ZNF471: variants seen among roughly 807,000 people sequenced by gnomAD.
The protein encoded by ZNF471 is zinc finger protein 471.
In ZNF471, 7 loss-of-function variants were observed where a neutral mutation model predicts 13.7. The observed-to-expected ratio is 0.51, with a 90% CI of 0.29 to 0.96. The LOEUF (loss-of-function observed/expected upper bound fraction) is 0.96, where lower values mean the gene tolerates loss of function less well. Among genes scored for constraint, ZNF471 ranks in the 40% least tolerant of loss-of-function variants. The probability of loss-of-function intolerance (pLI) is 0.08; values close to 1 mark genes in which losing one functional copy is unlikely to be tolerated. For synonymous variants in ZNF471, 218 were observed against 235.6 expected (o/e 0.93, Z 0.68); for missense variants, 663 against 743.3 (o/e 0.89, Z 1.26).
Position 56,525,800 on chromosome 19 carries a change from A to G in ZNF471, c.1733A>G (p.Lys578Arg). Reference protein sequence around the residue: ...EKPYKCTECGKAFSDSSSCAQ... With the variant: ...EKPYKCTECGRAFSDSSSCAQ... ...CCCTATAAATGTACTGAATGTGGAA[A>G]GGCTTTTAGTGATAGCTCATCCTGT... is the stretch of plus-strand genomic sequence containing the variant. The change falls in exon 5 of 5, where the codon AAG (lysine) becomes AGG (arginine). Residue 578 changes from lysine to arginine, a missense_variant. Coordinates refer to ENST00000308031, the MANE Select transcript of ZNF471 (RefSeq NM_020813.4). 1.2e-6 allele frequency: 2 copies of G among 1,614,208 alleles called. No individual in the cohort carries two copies. Among genetic ancestry groups the G allele is most frequent in the East Asian group, 2.2e-5 (1 of 44,872 alleles).
At position 56,522,216 on chromosome 19, in the gene ZNF471, A is replaced by T. The variant is rs376141431; in HGVS notation, c.257-2108A>T. Among the ~76,000 whole-genome samples, 17 of 152,192 alleles carry T rather than the reference A, an allele frequency of 1.1e-4. No homozygotes were observed. The highest frequency in any genetic ancestry group is 3.6e-4 in the African/African-American group (15 of 41,452). On this transcript the variant is annotated intron_variant, in intron 4 of 4. Transcript: ENST00000308031. This position sits in a 1 kb window ranked among gnomAD's most constrained non-coding sequence, Gnocchi z 4.1. ...GCATTTCTCCATCATTAAGTGACAC[A>T]AGACTATTTTGTTATAGCAACCCAA...
rs756947354 is a variant in ZNF471 at position 56,518,532 on chromosome 19, G to T, written c.211G>T (p.Glu71Ter). ...GATCTCCTTATTGGAGCAAGGGAGAGAGCCTTGGGAGATGACGAGTGAGAT... is the reference window on the plus strand; with the variant it reads ...GATCTCCTTATTGGAGCAAGGGAGATAGCCTTGGGAGATGACGAGTGAGAT... ...YVISLLEQGR[E>*]PWEMTSEMTR... Residue 71 changes from glutamate (E) to a stop codon, truncating the protein, a stop_gained, in exon 4 of 5, where the codon GAG becomes TAG. Transcript: ENST00000308031. LOFTEE classifies it low-confidence loss of function (END_TRUNC). 1 of 1,613,838 alleles carries T rather than the reference G, an allele frequency of 6.2e-7. No individual in the cohort carries two copies. Among genetic ancestry groups the T allele is most frequent in the South Asian group, 1.1e-5 (1 of 91,014 alleles).
In ZNF471 at chr19:56,524,860, A is replaced by G. The variant is rs914307091; in HGVS notation, c.793A>G (p.Lys265Glu). 6.2e-7 allele frequency: 1 copy of G among 1,610,482 alleles called. No homozygotes were observed. The highest frequency in any genetic ancestry group is 8.5e-7 in the Non-Finnish European group (1 of 1,178,536). ...THTGEKLFEC[K>E]ECRKAFKQSE... ...TACTGGAGAGAAACTCTTTGAATGTAAAGAATGTAGGAAAGCCTTCAAACA... is the reference window on the plus strand; with the variant it reads ...TACTGGAGAGAAACTCTTTGAATGTGAAGAATGTAGGAAAGCCTTCAAACA... The change falls in exon 5 of 5, where the codon AAA (lysine) becomes GAA (glutamate). Residue 265 changes from lysine to glutamate, a missense_variant. By Grantham distance (56) the Lys-to-Glu change is moderately conservative. Coordinates refer to ENST00000308031, the MANE Select transcript of ZNF471 (RefSeq NM_020813.4). This position sits in a 1 kb window ranked among gnomAD's most constrained non-coding sequence, Gnocchi z 4.8.
At position 56,525,248 on chromosome 19, in the gene ZNF471, G is replaced by C. The variant is rs1320022861; in HGVS notation, c.1181G>C (p.Arg394Thr). The change falls in exon 5 of 5, where the codon AGG becomes ACG. Residue 394 changes from arginine to threonine, a missense_variant. Transcript: ENST00000308031. Reference sequence around the variant, plus strand: ...GTTCACATAGGACTTATTCTGCATAGGAGAATTCATACAGGAGAGAAACCT... The same window carrying C: ...GTTCACATAGGACTTATTCTGCATACGAGAATTCATACAGGAGAGAAACCT... ...FSVHIGLILH[R>T]RIHTGEKPYK... The C allele has an allele frequency of 6.2e-7, 1 of 1,613,928 alleles. No individual in the cohort carries two copies. Among genetic ancestry groups the C allele is most frequent in the Non-Finnish European group, 8.5e-7 (1 of 1,179,942 alleles).
chr19:56,510,081 A>G lies in ZNF471; in HGVS notation c.-55-1436A>G. The G allele has an allele frequency of 1.0e-6, 1 of 985,458 alleles. No individual in the cohort carries two copies. Among genetic ancestry groups the G allele is most frequent in the South Asian group, 4.7e-5 (1 of 21,276 alleles). The allele number at this position is 985,458 out of a possible 1,614,324, so 61.0% of individuals were successfully genotyped here. A position where few individuals can be genotyped will look rare whatever the true frequency, so the allele number is the denominator to read the frequency against. Reference sequence around the variant, plus strand: ...GAGACCAATGGGTATGTGAGAGACTAGAGTATGTCTCTGTCTGGACTGGTA... The same window carrying G: ...GAGACCAATGGGTATGTGAGAGACTGGAGTATGTCTCTGTCTGGACTGGTA... On this transcript the variant is annotated intron_variant, in intron 1 of 4. Transcript: ENST00000308031. The surrounding 1 kb of genome is among the most constrained non-coding windows in gnomAD (Gnocchi z 4.3).
chr19:56,525,090 T>G lies in ZNF471; in HGVS notation c.1023T>G (p.Thr341=). The change falls in exon 5 of 5, where the codon ACT becomes ACG. Residue 341 remains threonine (T), a synonymous_variant. Coordinates refer to ENST00000308031, the MANE Select transcript of ZNF471 (RefSeq NM_020813.4). ...SSFARHQRCH[T]GKRPYECIEC... ...TTGCTCGACATCAGAGATGTCACAC[T>G]GGCAAAAGACCCTATGAATGTATTG... is the stretch of plus-strand genomic sequence containing the variant. 6.2e-7 allele frequency: 1 copy of G among 1,614,004 alleles called. No individual in the cohort carries two copies. The highest frequency in any genetic ancestry group is 8.5e-7 in the Non-Finnish European group (1 of 1,179,982).
intron 1 of ZNF471, chr19:56,509,732 T>A (rs1281611850): frequency 1.6e-5 from 4 of 245,018 alleles, no homozygotes; most frequent in Non-Finnish European, 2.6e-5. Context: ...TGTGTGTGTG[T>A]GTGTGTGTGT....
At chr19:56,523,413 G>T (rs1259569148) in intron 4 of ZNF471, among the ~76,000 whole-genome samples, 1 of 151,010 alleles carries the variant, frequency 6.6e-6, no homozygotes, top group Non-Finnish European at 1.5e-5. Context: ...TTACCAGGCT[G>T]TTGAAAGTAA....
chr19:56,509,716 T>TGG (rs1195958448), intron 1 of ZNF471: 1 of 97,154 alleles, frequency 1.0e-5, no homozygotes, highest in Non-Finnish European at 2.1e-5. Context: ...GCTTGCCTGG[T>TGG]GTGTGTGTGT....
At chr19:56,518,883 T>C (rs1052688538) in intron 4 of ZNF471, among the ~76,000 whole-genome samples, 3 of 152,296 alleles carry the variant, frequency 2.0e-5, no homozygotes, top group Admixed American at 6.5e-5. Context: ...TACAGACTTA[T>C]ATAAACTTCT....
In ZNF471 at chr19:56,524,766, A is replaced by G. The variant is rs748002009; in HGVS notation, c.699A>G (p.Pro233=). The G allele has an allele frequency of 6.2e-7, 1 of 1,612,440 alleles. No homozygotes were observed. ...VHFRIHTGEK[P]YACEECGKAF... ...TTAGAATTCATACTGGTGAAAAACC[A>G]TATGCATGTGAGGAATGTGGAAAAG... is the stretch of plus-strand genomic sequence containing the variant. The change falls in exon 5 of 5, where the codon CCA becomes CCG. Residue 233 remains proline (P), a synonymous_variant. Transcript: ENST00000308031. This position sits in a 1 kb window ranked among gnomAD's most constrained non-coding sequence, Gnocchi z 4.8.
At chr19:56,511,351 G>GAA (rs796825149) in intron 1 of ZNF471, among the ~76,000 whole-genome samples, 166 bp from the exon 2 acceptor site, 2 of 146,014 alleles carry the variant, frequency 1.4e-5, no homozygotes, top group African/African-American at 5.0e-5. Flanking sequence ...CCTCAAGCAT[G>GAA]AAAAAAAAAA....
At chr19:56,520,341 T>G (rs1351386364) in intron 4 of ZNF471, among the ~76,000 whole-genome samples, 1 of 152,180 alleles carries the variant, frequency 6.6e-6, no homozygotes, top group African/African-American at 2.4e-5. Context: ...CAACCATGGC[T>G]CTCTGTAGGA....
Position 56,525,587 on chromosome 19 carries a change from G to T in ZNF471, c.1520G>T (p.Arg507Ile). 2.5e-6 allele frequency: 4 copies of T among 1,613,958 alleles called. No homozygotes were observed. The highest frequency in any genetic ancestry group is 1.1e-5 in the South Asian group (1 of 91,072). The change falls in exon 5 of 5, where the codon AGA (arginine) becomes ATA (isoleucine). Residue 507 changes from arginine (R) to isoleucine (I), a missense_variant. Arg to Ile is a moderately conservative substitution (Grantham distance 97). Transcript: ENST00000308031. ...AGTTCACAGCTGGCTACTCATCAGA[G>T]AATTCATACTGGAGAGAAGCCTTAT... ...RISSQLATHQ[R>I]IHTGEKPYEC... is the part of the protein sequence containing the mutation.
In ZNF471 at chr19:56,528,372, T is replaced by A. The variant is rs752827773; in HGVS notation, c.*2424T>A. 4 of 152,338 alleles carry A rather than the reference T, an allele frequency of 2.6e-5. No individual in the cohort carries two copies. The East Asian group carries it at 7.7e-4, about 29-fold the overall frequency. 9.4% of individuals were successfully genotyped at this position (152,338 alleles called of 1,614,324 possible). A position where few individuals can be genotyped will look rare whatever the true frequency, so the allele number is the denominator to read the frequency against. ...TTAAACAGTGCATTCTTGAAAGCAG[T>A]ATGGCAGTCATAAAAATTTTGGAAC... On this transcript the variant is annotated 3_prime_UTR_variant, in exon 5 of 5. Transcript: ENST00000308031.
intron 2 of ZNF471, among the ~76,000 whole-genome samples, chr19:56,512,811 A>G (rs2147906424): frequency 6.6e-6 from 1 of 152,300 alleles, no homozygotes; most frequent in Non-Finnish European, 1.5e-5. Flanking sequence ...TTTTCATGAC[A>G]TACATGAGTG....
chr19:56,514,470 C>G (rs1158179344), intron 2 of ZNF471, among the ~76,000 whole-genome samples: 1 of 152,126 alleles, frequency 6.6e-6, no homozygotes, highest in Admixed American at 6.6e-5. Flanking sequence ...CCTAAGACTC[C>G]TCTTAGCTGT....
rs2044082676 is a variant in ZNF471, at chr19:56,529,322, T to A, written c.*3374T>A. ...ACTAGAAATAAAGTCAGCATCCCAT[T>A]TGACTCCTTACACAGAAGTTCATTC... On this transcript the variant is annotated 3_prime_UTR_variant, in exon 5 of 5. Coordinates refer to ENST00000308031, the MANE Select transcript of ZNF471 (RefSeq NM_020813.4). The A allele has an allele frequency of 6.6e-6, 1 of 152,184 alleles. No homozygotes were observed. Among genetic ancestry groups the A allele is most frequent in the Admixed American group, 6.5e-5 (1 of 15,276 alleles). 9.4% of individuals were successfully genotyped at this position (152,184 alleles called of 1,614,324 possible).
chr19:56,516,286 A>G lies in ZNF471; in HGVS notation c.45A>G (p.Thr15=). ...ATTTGTCACTTCAGGACTTAGTGAC[A>G]TTCAAGGATGTGGCAATAGATTTTT... ...VVKVMPQDLV[T]FKDVAIDFSQ... is the part of the protein sequence containing the mutation. The change falls in exon 3 of 5, where the codon ACA becomes ACG. Residue 15 remains threonine (T), a synonymous_variant. Coordinates refer to ENST00000308031, the MANE Select transcript of ZNF471 (RefSeq NM_020813.4). This position sits in a 1 kb window ranked among gnomAD's most constrained non-coding sequence, Gnocchi z 4.4. 2 of 1,613,684 alleles carry G rather than the reference A, an allele frequency of 1.2e-6. No homozygotes were observed. The highest frequency in any genetic ancestry group is 8.5e-7 in the Non-Finnish European group (1 of 1,179,694).
Sources: gnomAD v4.1 joint callset for allele counts (sites outside exome capture counted in the v4.1 genomes callset) on GRCh38, gnomAD v4.1.1 for gene constraint, Gnocchi (gnomAD v3.1) non-coding constraint, MANE v1.5 for transcripts, NCBI Gene and HGNC (gene_info 2026-07-23, HGNC 2026-07-21) for gene names.